Variants in RRAS2 observed in about 807,000 individuals in gnomAD.
RRAS2 encodes the protein ras-related protein R-Ras2.
In RRAS2, 7 loss-of-function variants were observed where a neutral mutation model predicts 27.6. The ratio of observed to expected loss-of-function variants is 0.25; its 90% CI spans 0.14 to 0.48. The LOEUF (loss-of-function observed/expected upper bound fraction) is 0.48. RRAS2 is among the 20% of genes least tolerant of loss of function. The pLI is 0.99. For missense variants in RRAS2, 178 were observed against 256.2 expected (o/e 0.69, Z 2.08); for synonymous variants, 86 against 90.9 (o/e 0.95, Z 0.31).
At chr11:14,301,520 C>G (rs781866620) in intron 1 of RRAS2, among the ~76,000 whole-genome samples, 1 of 152,106 alleles carries the variant, frequency 6.6e-6, no homozygotes, top group African/African-American at 2.4e-5. Context: ...ATTTCTTCCC[C>G]GACCGAACTA....
intron 4 of RRAS2, among the ~76,000 whole-genome samples, chr11:14,289,360 CT>C (rs1554945486): frequency 1.3e-5 from 2 of 152,184 alleles, no homozygotes. Context: ...CAGTTGATCT[CT>C]AGACAGGGCT....
intron 1 of RRAS2, among the ~76,000 whole-genome samples, chr11:14,350,674 T>C (rs1346520181): frequency 1.3e-5 from 2 of 151,524 alleles, no homozygotes; most frequent in African/African-American, 4.9e-5. Flanking sequence ...TAAAATACGC[T>C]AAACTAACGA....
At chr11:14,315,217 CCAGA>C (rs1848071618) in intron 1 of RRAS2, among the ~76,000 whole-genome samples, 2 of 152,160 alleles carry the variant, frequency 1.3e-5, no homozygotes, top group South Asian at 2.1e-4. Context: ...AGTAGAGAAA[CCAGA>C]CAAACATTAC....
chr11:14,341,840 T>C (rs1554953316), intron 1 of RRAS2: 5 of 454,322 alleles, frequency 1.1e-5, no homozygotes, highest in African/African-American at 1.0e-4. Context: ...ACATTTGTAA[T>C]ATGATTGAAG....
intron 1 of RRAS2, among the ~76,000 whole-genome samples, chr11:14,322,776 C>T (rs1449835962): frequency 1.3e-5 from 2 of 151,978 alleles, no homozygotes; most frequent in African/African-American, 2.4e-5. Flanking sequence ...ATCAAGATTC[C>T]GGATTAAATG....
chr11:14,297,547 A>G (rs1847583325), intron 1 of RRAS2, among the ~76,000 whole-genome samples: 1 of 152,172 alleles, frequency 6.6e-6, no homozygotes, highest in Non-Finnish European at 1.5e-5. Context: ...AAATTACTTG[A>G]GCCCAGGAGT....
rs2133938668 is a variant in RRAS2, at chr11:14,278,730, G to C, written c.*607C>G. 6.6e-6 allele frequency: 1 copy of C among 152,570 alleles called. No individual in the cohort carries two copies. Among genetic ancestry groups the C allele is most frequent in the East Asian group, 1.9e-4 (1 of 5,192 alleles). The allele number at this position is 152,570 out of a possible 1,614,324, so 9.5% of individuals were successfully genotyped here. A position where few individuals can be genotyped will look rare whatever the true frequency, so the allele number is the denominator to read the frequency against. ...ACATAGAATATTATCATCTCCAAGAGTAGGAGTAGTAACACAGGGTTTTAT... is the reference window on the plus strand; with the variant it reads ...ACATAGAATATTATCATCTCCAAGACTAGGAGTAGTAACACAGGGTTTTAT... On this transcript the variant is annotated 3_prime_UTR_variant, in exon 6 of 6. Coordinates refer to ENST00000256196, the MANE Select transcript of RRAS2 (RefSeq NM_012250.6).
intron 1 of RRAS2, among the ~76,000 whole-genome samples, chr11:14,326,204 G>A (rs970892113): frequency 9.9e-5 from 15 of 152,136 alleles, no homozygotes; most frequent in Non-Finnish European, 2.2e-4. Context: ...GAAAATCTCA[G>A]GGCATGTACC....
chr11:14,341,326 G>A (rs1340726458), intron 1 of RRAS2, among the ~76,000 whole-genome samples: 1 of 152,104 alleles, frequency 6.6e-6, no homozygotes, highest in Non-Finnish European at 1.5e-5. Flanking sequence ...CCTACAAATA[G>A]TGTTATGAAT....
chr11:14,294,988 C>CT, intron 2 of RRAS2, 126 bp from the exon 3 acceptor site: 1 of 698,572 alleles, frequency 1.4e-6, no homozygotes, highest in South Asian at 2.0e-5. Flanking sequence ...AATGGCATTC[C>CT]TTTCTTAGTA....
chr11:14,326,357 G>A (rs1848357582), intron 1 of RRAS2, among the ~76,000 whole-genome samples: 1 of 152,144 alleles, frequency 6.6e-6, no homozygotes, highest in Admixed American at 6.6e-5. Context: ...CAGGAAGTAT[G>A]CCACTGTTAA....
upstream of RRAS2, among the ~76,000 whole-genome samples, chr11:14,362,250 GA>G (rs1273495161): frequency 1.3e-5 from 2 of 152,128 alleles, no homozygotes; most frequent in African/African-American, 2.4e-5. Flanking sequence ...AAGCTACAAG[GA>G]AAAAAGATTC....
intron 1 of RRAS2, among the ~76,000 whole-genome samples, chr11:14,327,890 T>A (rs1450008353): frequency 2.6e-5 from 4 of 152,148 alleles, no homozygotes; most frequent in Non-Finnish European, 5.9e-5. Context: ...TGTTGTCTCT[T>A]ACAAGACACA....
intron 1 of RRAS2, among the ~76,000 whole-genome samples, chr11:14,323,583 G>A (rs1353277327): frequency 1.3e-5 from 2 of 151,912 alleles, no homozygotes; most frequent in Non-Finnish European, 2.9e-5. Flanking sequence ...AGTTGTAAAA[G>A]CAAGGTCTAC....
chr11:14,330,495 G>C (rs1848462113), intron 1 of RRAS2, among the ~76,000 whole-genome samples: 1 of 152,194 alleles, frequency 6.6e-6, no homozygotes, highest in Non-Finnish European at 1.5e-5. Flanking sequence ...CTGGAGGACA[G>C]AGACCCTGTT....
intron 1 of RRAS2, chr11:14,308,169 A>C (rs979083317): frequency 6.3e-6 from 2 of 319,262 alleles, no homozygotes; most frequent in African/African-American, 4.5e-5. Flanking sequence ...TGCACAAAAT[A>C]TCTCTGGAAA....
At chr11:14,292,615 T>A (rs1554945938) in intron 4 of RRAS2, among the ~76,000 whole-genome samples, 1 of 152,124 alleles carries the variant, frequency 6.6e-6, no homozygotes, top group African/African-American at 2.4e-5. Flanking sequence ...AAAAAATAGA[T>A]GAACTGTCTA....
chr11:14,294,867 A>T lies in RRAS2; in HGVS notation c.197-5T>A. On this transcript the variant is annotated splice_polypyrimidine_tract_variant and splice_region_variant and intron_variant, in intron 2 of 5. Coordinates refer to ENST00000256196, the MANE Select transcript of RRAS2 (RefSeq NM_012250.6). ...CTTGTCCTGCTGTATCCAAAACTAA[A>T]GAAAAAACAACAAATGTAATTATAC... 6.2e-7 allele frequency: 1 copy of T among 1,611,322 alleles called. No individual in the cohort carries two copies. The highest frequency in any genetic ancestry group is 8.5e-7 in the Non-Finnish European group (1 of 1,177,792).
intron 1 of RRAS2, among the ~76,000 whole-genome samples, chr11:14,331,064 G>A (rs1350363438): frequency 1.3e-5 from 2 of 152,138 alleles, no homozygotes; most frequent in Non-Finnish European, 2.9e-5. Flanking sequence ...TTACAGGCAT[G>A]AGCCACTGCG....
Sources: allele counts gnomAD v4.1 joint callset (sites outside exome capture counted in the v4.1 genomes callset), GRCh38; gene constraint gnomAD v4.1.1; transcripts MANE v1.5; gene names NCBI Gene and HGNC (gene_info 2026-07-23, HGNC 2026-07-21).